RNF17: variants seen among roughly 807,000 people sequenced by gnomAD.
The protein encoded by RNF17 is spermatogenesis associated 23.
Under a neutral mutation model 200.5 loss-of-function variants are expected in RNF17, and 31 were observed. That is an observed-to-expected ratio of 0.15 (90% CI 0.12 to 0.21). RNF17 has a LOEUF of 0.21. Ranked by LOEUF, RNF17 falls within the 10% of genes least tolerant of loss-of-function variation. The probability of loss-of-function intolerance (pLI) is 1.00; values close to 1 mark genes in which losing one functional copy is unlikely to be tolerated. For synonymous variants in RNF17, 606 were observed against 637.8 expected (o/e 0.95, Z 0.75); for missense variants, 1,628 against 1,905.1 (o/e 0.85, Z 2.71).
At chr13:24,747,771 G>A in the RNF17 span, among the ~76,000 whole-genome samples, 1 of 152,246 alleles carries the variant, frequency 6.6e-6, no homozygotes, top group African/African-American at 2.4e-5. Flanking sequence ...GCGCGCAAAC[G>A]GCCGGCCTGG....
chr13:24,857,811 T>G (rs531371349), intron 25 of RNF17, among the ~76,000 whole-genome samples: 36 of 152,262 alleles, frequency 2.4e-4, no homozygotes, highest in African/African-American at 8.4e-4. Flanking sequence ...GGCAGGAGGA[T>G]TGCTTGAGCC....
chr13:24,786,026 A>G (rs929491798), intron 6 of RNF17, among the ~76,000 whole-genome samples: 1 of 152,098 alleles, frequency 6.6e-6, no homozygotes, highest in African/African-American at 2.4e-5. Context: ...TAAAATACTG[A>G]TAAGGAAGTA....
intron 1 of RNF17, 113 bp downstream of exon 1, chr13:24,764,446 C>T: frequency 1.4e-6 from 2 of 1,394,574 alleles, no homozygotes; most frequent in Non-Finnish European, 1.9e-6. Context: ...CCTGGTGTCA[C>T]CAGAAACTGC....
At chr13:24,787,711 C>T (rs1446746014) in intron 6 of RNF17, among the ~76,000 whole-genome samples, 1 of 152,138 alleles carries the variant, frequency 6.6e-6, no homozygotes, top group Non-Finnish European at 1.5e-5. Context: ...TAATCTCCTG[C>T]CTTCCACAAA....
At chr13:24,847,024 A>ATG (rs1891328364) in intron 22 of RNF17, among the ~76,000 whole-genome samples, 1 of 149,802 alleles carries the variant, frequency 6.7e-6, no homozygotes, top group African/African-American at 2.5e-5. Flanking sequence ...CCTGTGTGTG[A>ATG]TTTTTTTTTT....
the RNF17 span, among the ~76,000 whole-genome samples, chr13:24,754,502 G>A: frequency 2.6e-5 from 4 of 152,092 alleles, no homozygotes; most frequent in African/African-American, 7.2e-5. Flanking sequence ...ATCAGAAGAC[G>A]TCTGAGGAGA....
At chr13:24,829,530 A>G (rs753015467) in intron 16 of RNF17, among the ~76,000 whole-genome samples, 1 of 152,168 alleles carries the variant, frequency 6.6e-6, no homozygotes, top group Non-Finnish European at 1.5e-5. Flanking sequence ...TGGCTTTATA[A>G]TAACACTTAT....
rs1593374122 is a variant in RNF17, at chr13:24,831,976, T to C, written c.2480T>C (p.Ile827Thr). 6.4e-7 allele frequency: 1 copy of C among 1,550,526 alleles called. No individual in the cohort carries two copies. Among genetic ancestry groups the C allele is most frequent in the Non-Finnish European group, 8.8e-7 (1 of 1,139,702 alleles). ...AQDKFMTCSV[I>T]KILEDNVLLV... ...GATAAATTTATGACATGTTCAGTTATCAGTAAGTTCCATTTTTACTTGTTA... is the reference window on the plus strand; with the variant it reads ...GATAAATTTATGACATGTTCAGTTACCAGTAAGTTCCATTTTTACTTGTTA... Residue 827 changes from isoleucine (I) to threonine (T), a missense_variant and splice_region_variant, in exon 18 of 36, where the codon ATC becomes ACC. Ile to Thr is a moderately conservative substitution (Grantham distance 89). Transcript: ENST00000255324.
At chr13:24,802,912 C>T (rs1402791593) in intron 14 of RNF17, among the ~76,000 whole-genome samples, 1 of 152,072 alleles carries the variant, frequency 6.6e-6, no homozygotes, top group Non-Finnish European at 1.5e-5. Flanking sequence ...AGAAATTAAC[C>T]AGGCGTGGTG....
the RNF17 span, among the ~76,000 whole-genome samples, chr13:24,756,314 A>G: frequency 5.3e-5 from 8 of 152,354 alleles, no homozygotes; most frequent in South Asian, 1.7e-3. Flanking sequence ...CATAAACTTT[A>G]TAAATAGCAG....
intron 25 of RNF17, among the ~76,000 whole-genome samples, chr13:24,858,304 G>T (rs943730981): frequency 1.3e-5 from 2 of 152,176 alleles, no homozygotes; most frequent in Admixed American, 6.5e-5. Context: ...TGCTTGACAT[G>T]TATAAATAGT....
At chr13:24,773,968 C>T (rs536368003) in intron 2 of RNF17, among the ~76,000 whole-genome samples, 19 of 152,098 alleles carry the variant, frequency 1.2e-4, no homozygotes, top group African/African-American at 4.3e-4. Context: ...AATCAGAGAC[C>T]GCAGGGCCTC....
At position 24,825,658 on chromosome 13, in the gene RNF17, G is replaced by A. The variant is rs138535870; in HGVS notation, c.2131G>A (p.Glu711Lys). 6.8e-5 allele frequency: 109 copies of A among 1,605,024 alleles called. No homozygotes were observed. Among genetic ancestry groups the A allele is most frequent in the Non-Finnish European group, 9.1e-5 (107 of 1,172,016 alleles). The change falls in exon 16 of 36, where the codon GAG becomes AAG. Residue 711 changes from glutamate (E) to lysine (K), a missense_variant. By Grantham distance (56) the Glu-to-Lys change is moderately conservative (BLOSUM62 1). Coordinates refer to ENST00000255324, the MANE Select transcript of RNF17 (RefSeq NM_031277.3). ...LDILFLLKTI[E>K]EFYKSEDGEN... is the part of the protein sequence containing the mutation. The stretch of plus-strand genomic sequence containing the variant: ...TATTTTATTTCTATTAAAGACAATC[G>A]AGGAATTCTATAAAAGTGAAGATGG...
intron 3 of RNF17, among the ~76,000 whole-genome samples, chr13:24,776,696 G>A (rs561441789): frequency 7.9e-5 from 12 of 152,170 alleles, no homozygotes; most frequent in Non-Finnish European, 1.6e-4. Context: ...GGGTGAGGTC[G>A]ACTGAGTTTA....
upstream of RNF17, among the ~76,000 whole-genome samples, chr13:24,761,435 TG>T (rs1878731951): frequency 6.6e-6 from 1 of 152,234 alleles, no homozygotes; most frequent in Admixed American, 6.5e-5. Context: ...ATTCTTTCTC[TG>T]ATCTGCTGCT....
At chr13:24,872,795 C>A (rs2138431126) in intron 32 of RNF17, among the ~76,000 whole-genome samples, 1 of 142,760 alleles carries the variant, frequency 7.0e-6, no homozygotes, top group Non-Finnish European at 1.6e-5. Context: ...GTGATGAATA[C>A]CCTAAAAACT....
chr13:24,802,686 G>A (rs1885395525), intron 14 of RNF17, 115 bp downstream of exon 14: 1 of 691,476 alleles, frequency 1.4e-6, no homozygotes, highest in Non-Finnish European at 2.3e-6. Flanking sequence ...ACCTGAAGAA[G>A]TGAAAAATAT....
intron 32 of RNF17, among the ~76,000 whole-genome samples, chr13:24,873,885 T>A (rs1387296556): frequency 1.3e-5 from 2 of 152,220 alleles, no homozygotes; most frequent in Non-Finnish European, 2.9e-5. Flanking sequence ...ATAACAGGAT[T>A]CCATTCTTTT....
chr13:24,860,390 A>T (rs548489915), intron 26 of RNF17, among the ~76,000 whole-genome samples: 1 of 151,998 alleles, frequency 6.6e-6, no homozygotes, highest in Non-Finnish European at 1.5e-5. Context: ...TCATGTGGTC[A>T]CTTTACATTT....
Sources: gnomAD v4.1 joint callset for allele counts (sites outside exome capture counted in the v4.1 genomes callset) on GRCh38, gnomAD v4.1.1 for gene constraint, MANE v1.5 for transcripts, NCBI Gene and HGNC (gene_info 2026-07-23, HGNC 2026-07-21) for gene names.